The following KHSRP variants were observed in gnomAD, a reference collection of about 807,000 sequenced individuals.
KHSRP encodes KH-type splicing regulatory protein.
In KHSRP, 13 loss-of-function variants were observed where a neutral mutation model predicts 94.9. The observed-to-expected ratio is 0.14, with a 90% CI of 0.09 to 0.22. The LOEUF (loss-of-function observed/expected upper bound fraction) is 0.22. Ranked by LOEUF, KHSRP falls within the 10% of genes least tolerant of loss-of-function variation. The pLI, the probability that KHSRP is intolerant of heterozygous loss-of-function variation, is 1.00. For missense variants in KHSRP, 710 were observed against 1,010.0 expected (o/e 0.70, Z 4.03); for synonymous variants, 495 against 401.4 (o/e 1.23, Z -2.79).
Position 6,424,414 on chromosome 19 carries a change from CGCGCGCGA to C in KHSRP, c.249+31_249+38del, listed in dbSNP as rs1477949745. The stretch of plus-strand genomic sequence containing the variant: ...CCCCGCCCCCTCCCCCGCCTGCGCG[CGCGCGCGA>C]GCGCGCCCCTCAGGCCCTCGGCCTC... On this transcript the variant is annotated intron_variant, in intron 1 of 18. Transcript: ENST00000600480. 1.7e-5 allele frequency: 16 copies of C among 966,740 alleles called. No homozygotes were observed. In the South Asian group the frequency reaches 3.7e-4, roughly 23 times the overall value. 59.9% of individuals were successfully genotyped at this position (966,740 alleles called of 1,614,324 possible).
In KHSRP at chr19:6,414,204, A is replaced by G. The variant is rs2092122981; in HGVS notation, c.*820T>C. Reference sequence around the variant, plus strand: ...GGGGGCGGAAGAGAGGAGGGGCTGGAACACCGTGGGGGGGGCCAGGAAGCC... The same window carrying G: ...GGGGGCGGAAGAGAGGAGGGGCTGGGACACCGTGGGGGGGGCCAGGAAGCC... On this transcript the variant is annotated 3_prime_UTR_variant, in exon 19 of 19. Coordinates refer to ENST00000600480, the MANE Select transcript of KHSRP (RefSeq NM_001366299.1). 2 of 1,540,132 alleles carry G rather than the reference A, an allele frequency of 1.3e-6. No homozygotes were observed. The highest frequency in any genetic ancestry group is 1.7e-6 in the Non-Finnish European group (2 of 1,144,546).
Position 6,418,429 on chromosome 19 carries a change from C to A in KHSRP, c.879+54G>T. 1 of 1,343,212 alleles carries A rather than the reference C, an allele frequency of 7.4e-7. No individual in the cohort carries two copies. Among genetic ancestry groups the A allele is most frequent in the Admixed American group, 1.8e-5 (1 of 55,258 alleles). 83.2% of individuals were successfully genotyped at this position (1,343,212 alleles called of 1,614,324 possible). ...GCAGACCCCGAGACCGCTGGCCCTG[C>A]CCACCTGCCCGTGCCTCTCCAGAAC... is the stretch of plus-strand genomic sequence containing the variant. On this transcript the variant is annotated intron_variant, in intron 9 of 18. Transcript: ENST00000600480. The surrounding 1 kb of genome is among the most constrained non-coding windows in gnomAD (Gnocchi z 4.3).
At chr19:6,421,975 A>G (rs1049903660) in intron 2 of KHSRP, among the ~76,000 whole-genome samples, 1 of 152,194 alleles carries the variant, frequency 6.6e-6, no homozygotes, top group Non-Finnish European at 1.5e-5. Context: ...GGTGTCGTGG[A>G]TAACAGTGGA....
chr19:6,421,732 C>G (rs948761635), intron 2 of KHSRP, 44 bp from the exon 3 acceptor site: 2 of 1,611,730 alleles, frequency 1.2e-6, no homozygotes, highest in African/African-American at 2.7e-5. Flanking sequence ...CACCCACCCA[C>G]GGCCGCCTCG....
intron 1 of KHSRP, among the ~76,000 whole-genome samples, chr19:6,423,048 G>C (rs1240497651): frequency 1.3e-5 from 2 of 152,218 alleles, no homozygotes; most frequent in Non-Finnish European, 2.9e-5. Context: ...GGGAGGCCGA[G>C]GCGGGCAGAT....
At chr19:6,421,742 G>C (rs1444437237) in intron 2 of KHSRP, 54 bp from the exon 3 acceptor site, 1 of 1,599,236 alleles carries the variant, frequency 6.3e-7, no homozygotes, top group Admixed American at 1.7e-5. Flanking sequence ...CGGCCGCCTC[G>C]AACCTGATGC....
chr19:6,417,454 G>C (rs2092157195), intron 11 of KHSRP, among the ~76,000 whole-genome samples: 1 of 152,230 alleles, frequency 6.6e-6, no homozygotes. Flanking sequence ...CCCTGATCCA[G>C]CCTGCGGGGC....
chr19:6,424,664 G>A lies in KHSRP; in HGVS notation c.38C>T (p.Pro13Leu), dbSNP rs2092222002. ...CCCGCCCCCGCCGGCGGGCGGCGGC[G>A]GCCCGGGCGGGGGTCCTCCCGTGCT... ...DYSTGGPPPG[P>L]PPPAGGGGGA... is the part of the protein sequence containing the mutation. Residue 13 changes from proline to leucine, a missense_variant, in exon 1 of 19, where the codon CCG becomes CTG. By Grantham distance (98) the Pro-to-Leu change is moderately conservative. Coordinates refer to ENST00000600480, the MANE Select transcript of KHSRP (RefSeq NM_001366299.1). 9.8e-7 allele frequency: 1 copy of A among 1,023,098 alleles called. No homozygotes were observed. The highest frequency in any genetic ancestry group is 1.7e-5 in the African/African-American group (1 of 57,172). The allele number at this position is 1,023,098 out of a possible 1,614,324, so 63.4% of individuals were successfully genotyped here. A position where few individuals can be genotyped will look rare whatever the true frequency, so the allele number is the denominator to read the frequency against.
In KHSRP at chr19:6,415,661, G is replaced by T; in HGVS notation, c.1761C>A (p.Pro587=). Residue 587 remains proline, a synonymous_variant, in exon 17 of 19, where the codon CCC becomes CCA. Coordinates refer to ENST00000600480, the MANE Select transcript of KHSRP (RefSeq NM_001366299.1). ...AAYYSHYYQQ[P]PGPVPGPAPA... ...GTGCGGGGCCGGGGACGGGGCCCGG[G>T]GGCTGCTGGTAGTAGTGTGAGTAGT... The T allele has an allele frequency of 6.5e-7, 1 of 1,542,632 alleles. No homozygotes were observed.
At chr19:6,421,386 G>C (rs890434400) in intron 3 of KHSRP, 69 bp from the exon 4 acceptor site, 12 of 1,494,088 alleles carry the variant, frequency 8.0e-6, no homozygotes, top group African/African-American at 1.4e-5. Flanking sequence ...TGCCTGCCCC[G>C]GGTCAGTGGG....
At position 6,415,734 on chromosome 19, in the gene KHSRP, C is replaced by T; in HGVS notation, c.1688G>A (p.Ser563Asn). 6.5e-7 allele frequency: 1 copy of T among 1,550,378 alleles called. No individual in the cohort carries two copies. Residue 563 changes from serine (S) to asparagine (N), a missense_variant and splice_region_variant, in exon 17 of 19, where the codon AGC (serine) becomes AAC (asparagine). Physicochemically the swap from Ser to Asn is conservative, Grantham distance 46. Transcript: ENST00000600480. Reference sequence around the variant, plus strand: ...GTCCGCGGCCGCTGCAGCTGCTTTGCCTGCAGGAGATACCTCGGGTGAGAC... The same window carrying T: ...GTCCGCGGCCGCTGCAGCTGCTTTGTCTGCAGGAGATACCTCGGGTGAGAC... ...QWQPPAPHDPSKAAAAAADPN... is the reference protein window; with the variant it reads ...QWQPPAPHDPNKAAAAAADPN...
chr19:6,418,290 C>T lies in KHSRP; in HGVS notation c.879+193G>A, dbSNP rs1262479322. On this transcript the variant is annotated intron_variant, in intron 9 of 18. Transcript: ENST00000600480. The surrounding 1 kb of genome is among the most constrained non-coding windows in gnomAD (Gnocchi z 4.3). ...AAAAAGCAGAAGGTCAGAGGTGAGG[C>T]CGGTGCCTCACACACACAAAGCTGG... Among the ~76,000 whole-genome samples, 2 of 152,188 alleles carry T rather than the reference C, an allele frequency of 1.3e-5. No individual in the cohort carries two copies. The highest frequency in any genetic ancestry group is 2.4e-5 in the African/African-American group (1 of 41,446).
chr19:6,416,295 C>T lies in KHSRP; in HGVS notation c.1598+3G>A, dbSNP rs1237449684. Reference sequence around the variant, plus strand: ...CAAAACCCAGGAGGCAGAGGATACTCACTGTGGGGGAGCCCCGGGTGGCCC... The same window carrying T: ...CAAAACCCAGGAGGCAGAGGATACTTACTGTGGGGGAGCCCCGGGTGGCCC... On this transcript the variant is annotated splice_donor_region_variant and intron_variant, in intron 15 of 18. Transcript: ENST00000600480. The T allele has an allele frequency of 7.5e-6, 12 of 1,597,424 alleles. No homozygotes were observed. The highest frequency in any genetic ancestry group is 1.1e-5 in the South Asian group (1 of 89,082).
chr19:6,416,734 T>A lies in KHSRP; in HGVS notation c.1327+4A>T. The A allele has an allele frequency of 1.2e-6, 2 of 1,600,970 alleles. No individual in the cohort carries two copies. Among genetic ancestry groups the A allele is most frequent in the Non-Finnish European group, 1.7e-6 (2 of 1,172,102 alleles). On this transcript the variant is annotated splice_donor_region_variant and intron_variant, in intron 13 of 18. Transcript: ENST00000600480. Reference sequence around the variant, plus strand: ...AGGGATAGGGTGCAGGGGGCCACACTCACCTCGGCCGATGACCAGCCCACA... The same window carrying A: ...AGGGATAGGGTGCAGGGGGCCACACACACCTCGGCCGATGACCAGCCCACA...
chr19:6,418,896 G>T lies in KHSRP; in HGVS notation c.606-20C>A. On this transcript the variant is annotated intron_variant, in intron 7 of 18. Transcript: ENST00000600480. The surrounding 1 kb of genome is among the most constrained non-coding windows in gnomAD (Gnocchi z 4.3). Reference sequence around the variant, plus strand: ...GCTTTCCTGGGAAGGGGAGGAGCGGGGGATGAGCGGGTGCCACCGCTGGAG... The same window carrying T: ...GCTTTCCTGGGAAGGGGAGGAGCGGTGGATGAGCGGGTGCCACCGCTGGAG... 6.5e-7 allele frequency: 1 copy of T among 1,528,318 alleles called. No individual in the cohort carries two copies. Among genetic ancestry groups the T allele is most frequent in the Non-Finnish European group, 8.7e-7 (1 of 1,144,534 alleles). The allele number at this position is 1,528,318 out of a possible 1,614,324, so 94.7% of individuals were successfully genotyped here. A position where few individuals can be genotyped will look rare whatever the true frequency, so the allele number is the denominator to read the frequency against.
intron 5 of KHSRP, 99 bp downstream of exon 5, chr19:6,420,323 G>A: frequency 1.6e-6 from 2 of 1,247,908 alleles, no homozygotes; most frequent in Non-Finnish European, 2.3e-6. Context: ...CAGCACATAG[G>A]AGCCCTCTCA....
chr19:6,421,594 C>G, intron 3 of KHSRP, 56 bp downstream of exon 3: 4 of 1,594,402 alleles, frequency 2.5e-6, no homozygotes, highest in Non-Finnish European at 3.4e-6. Flanking sequence ...CTCCTGACTC[C>G]TGAAAACCTC....
chr19:6,416,748 G>A lies in KHSRP; in HGVS notation c.1317C>T (p.Val439=). 1 of 1,599,226 alleles carries A rather than the reference G, an allele frequency of 6.3e-7. No individual in the cohort carries two copies. The highest frequency in any genetic ancestry group is 8.5e-7 in the Non-Finnish European group (1 of 1,171,244). ...FSIPTHKCGL[V]IGRGGENVKA... is the part of the protein sequence containing the mutation. ...GGGGGCCACACTCACCTCGGCCGAT[G>A]ACCAGCCCACACTTGTGAGTGGGGA... Residue 439 remains valine (V), a synonymous_variant, in exon 13 of 19, where the codon GTC becomes GTT. Transcript: ENST00000600480.
At chr19:6,419,773 C>G (rs984056862) in intron 6 of KHSRP, among the ~76,000 whole-genome samples, 12 of 152,236 alleles carry the variant, frequency 7.9e-5, no homozygotes, top group African/African-American at 2.9e-4. Context: ...GGTGCTTTCA[C>G]CCACGCGGCA....
Sources: gnomAD v4.1 joint callset for allele counts (sites outside exome capture counted in the v4.1 genomes callset) on GRCh38, gnomAD v4.1.1 for gene constraint, Gnocchi (gnomAD v3.1) non-coding constraint, MANE v1.5 for transcripts, NCBI Gene and HGNC (gene_info 2026-07-23, HGNC 2026-07-21) for gene names.